The following TPP2 variants were observed in gnomAD, a reference collection of about 807,000 sequenced individuals.
The protein encoded by TPP2 is tripeptidyl peptidase 2.
Under a neutral mutation model 155.9 loss-of-function variants are expected in TPP2, and 34 were observed. The observed-to-expected ratio is 0.22, with a 90% CI of 0.17 to 0.29. The LOEUF is 0.29. Among genes scored for constraint, TPP2 ranks in the 10% least tolerant of loss-of-function variants. The probability of loss-of-function intolerance (pLI) is 1.00; values close to 1 mark genes in which losing one functional copy is unlikely to be tolerated. For missense variants in TPP2, 1,028 were observed against 1,522.3 expected, an observed-to-expected ratio of 0.68 and a Z score of 5.40; for synonymous variants, 510 against 529.4, an observed-to-expected ratio of 0.96 and a Z score of 0.50.
intron 1 of TPP2, among the ~76,000 whole-genome samples, chr13:102,604,475 G>T (rs550886066): frequency 1.3e-5 from 2 of 152,064 alleles, no homozygotes; most frequent in Non-Finnish European, 2.9e-5. Context: ...CTGCTTTCTC[G>T]CTATAAGATC....
intron 3 of TPP2, among the ~76,000 whole-genome samples, 194 bp downstream of exon 3, chr13:102,614,390 C>A (rs533674001): frequency 6.2e-4 from 94 of 152,080 alleles, no homozygotes; most frequent in Non-Finnish European, 1.1e-3. Flanking sequence ...ACTTGTGATT[C>A]TTGATCTTGG....
chr13:102,600,131 G>A (rs1879313120), intron 1 of TPP2, among the ~76,000 whole-genome samples: 1 of 151,652 alleles, frequency 6.6e-6, no homozygotes, highest in African/African-American at 2.4e-5. Context: ...TCCTTATGTA[G>A]CCTCAGTTCT....
chr13:102,656,027 A>G (rs774797763), intron 24 of TPP2, among the ~76,000 whole-genome samples: 1 of 151,664 alleles, frequency 6.6e-6, no homozygotes, highest in Non-Finnish European at 1.5e-5. Flanking sequence ...AAATCTATTC[A>G]TTTTCTCCCA....
At chr13:102,653,209 A>G (rs1883629330) in intron 24 of TPP2, among the ~76,000 whole-genome samples, 1 of 152,210 alleles carries the variant, frequency 6.6e-6, no homozygotes, top group South Asian at 2.1e-4. Flanking sequence ...AATAATTAGT[A>G]TTACAGTTTT....
chr13:102,604,015 A>T (rs1172515363), intron 1 of TPP2, among the ~76,000 whole-genome samples: 1 of 152,214 alleles, frequency 6.6e-6, no homozygotes, highest in Non-Finnish European at 1.5e-5. Flanking sequence ...TGAGGAGTCA[A>T]CTGAAGTAAA....
At chr13:102,641,619 T>C (rs1178042960) in intron 16 of TPP2, among the ~76,000 whole-genome samples, 1 of 152,202 alleles carries the variant, frequency 6.6e-6, no homozygotes, top group Non-Finnish European at 1.5e-5. Context: ...TCTGGTCATC[T>C]ATCTGTATGC....
intron 6 of TPP2, 167 bp from the exon 7 acceptor site, chr13:102,626,845 T>A: frequency 2.1e-6 from 1 of 469,650 alleles, no homozygotes; most frequent in Non-Finnish European, 3.6e-6. Context: ...TTGTCAGCTA[T>A]ACATGTTGCA....
At chr13:102,649,305 G>A in intron 22 of TPP2, 103 bp from the exon 23 acceptor site, 1 of 1,443,756 alleles carries the variant, frequency 6.9e-7, no homozygotes. Context: ...CTTAGCTATG[G>A]GAATGAATTC....
chr13:102,659,891 ATG>A (rs1884091696), intron 25 of TPP2, among the ~76,000 whole-genome samples: 3 of 152,352 alleles, frequency 2.0e-5, no homozygotes, highest in African/African-American at 7.2e-5. Flanking sequence ...TATTAGGCCT[ATG>A]TAATATTTAA....
chr13:102,635,946 G>A (rs928576404), intron 12 of TPP2, among the ~76,000 whole-genome samples: 27 of 152,048 alleles, frequency 1.8e-4, no homozygotes, highest in African/African-American at 4.3e-4. Flanking sequence ...CAAAGAAATC[G>A]AGGTCAAAAA....
At chr13:102,667,065 C>T (rs1371182928) in intron 27 of TPP2, among the ~76,000 whole-genome samples, 1 of 152,102 alleles carries the variant, frequency 6.6e-6, no homozygotes, top group Non-Finnish European at 1.5e-5. Flanking sequence ...ATACAAGATG[C>T]TATCAGGAAA....
chr13:102,648,966 A>G lies in TPP2; in HGVS notation c.2688A>G (p.Gln896=), dbSNP rs765677705. The change falls in exon 22 of 30, where the codon CAA becomes CAG. Residue 896 remains glutamine (Q), a synonymous_variant. Coordinates refer to ENST00000376052, the MANE Select transcript of TPP2 (RefSeq NM_001330588.2). ...YTIRLQIRHE[Q]ISDLERLKDL... ...TTCGACTACAGATTCGCCATGAGCA[A>G]ATCAGTGATTTGGAACGCCTTAAAG... 2.5e-6 allele frequency: 4 copies of G among 1,613,600 alleles called. No individual in the cohort carries two copies. The African/African-American group carries it at 4.0e-5, about 16-fold the overall frequency.
intron 2 of TPP2, among the ~76,000 whole-genome samples, chr13:102,605,331 T>G (rs1250630054): frequency 6.6e-6 from 1 of 152,234 alleles, no homozygotes; most frequent in Non-Finnish European, 1.5e-5. Context: ...GTCCCCACGA[T>G]GAAAGCCACA....
chr13:102,608,828 T>G (rs899818597), intron 2 of TPP2, among the ~76,000 whole-genome samples: 4 of 152,124 alleles, frequency 2.6e-5, no homozygotes, highest in East Asian at 1.9e-4. Flanking sequence ...GTTCTCTGCT[T>G]TTTATGTTAG....
At chr13:102,652,118 G>A (rs1566358754) in intron 24 of TPP2, among the ~76,000 whole-genome samples, 1 of 152,148 alleles carries the variant, frequency 6.6e-6, no homozygotes, top group Admixed American at 6.6e-5. Flanking sequence ...ACTCATGCCT[G>A]TAATCCCGGC....
intron 2 of TPP2, among the ~76,000 whole-genome samples, chr13:102,611,565 C>T (rs1411562531): frequency 6.6e-6 from 1 of 152,124 alleles, no homozygotes; most frequent in Non-Finnish European, 1.5e-5. Context: ...ATCCCAGCTA[C>T]TAGGGAGGCT....
chr13:102,675,708 ATTACCTGT>A (rs1885244040), intron 28 of TPP2, among the ~76,000 whole-genome samples: 1 of 152,164 alleles, frequency 6.6e-6, no homozygotes, highest in African/African-American at 2.4e-5. Context: ...TATGCATTCT[ATTACCTGT>A]TTACTGTGTT....
At chr13:102,614,895 A>AC (rs71125082) in intron 3 of TPP2, among the ~76,000 whole-genome samples, 37,948 of 152,058 alleles carry the variant, frequency 0.25, 5,306 homozygotes, top group East Asian at 0.45. Flanking sequence ...ATTTTATCTT[A>AC]GTAATATTTT....
chr13:102,640,395 T>G lies in TPP2; in HGVS notation c.2020+19T>G, dbSNP rs753246899. On this transcript the variant is annotated intron_variant, in intron 16 of 29. Coordinates refer to ENST00000376052, the MANE Select transcript of TPP2 (RefSeq NM_001330588.2). ...TGGGCTGGTAGGTAAAATTAAAATC[T>G]GTGTGACCGCTTATCTCTGTTTACG... 6.4e-7 allele frequency: 1 copy of G among 1,574,078 alleles called. No individual in the cohort carries two copies. Among genetic ancestry groups the G allele is most frequent in the Admixed American group, 1.7e-5 (1 of 59,920 alleles).
Sources: gnomAD v4.1 joint callset for allele counts (sites outside exome capture counted in the v4.1 genomes callset) on GRCh38, gnomAD v4.1.1 for gene constraint, MANE v1.5 for transcripts, NCBI Gene and HGNC (gene_info 2026-07-23, HGNC 2026-07-21) for gene names.